The following MROH1 variants were observed in gnomAD, a reference collection of about 807,000 sequenced individuals.
MROH1 encodes maestro heat like repeat family member 1.
Under a neutral mutation model 116.5 loss-of-function variants are expected in MROH1, and 117 were observed. The observed-to-expected ratio is 1.00, with a 90% CI of 0.86 to 1.17. The LOEUF (loss-of-function observed/expected upper bound fraction) is 1.17. Among genes scored for constraint, MROH1 ranks in the 50% most tolerant of loss-of-function variants. The pLI is 0.00. For synonymous variants in MROH1, 921 were observed against 583.9 expected, an observed-to-expected ratio of 1.58 and a Z score of -8.32; for missense variants, 1,873 against 1,338.5, an observed-to-expected ratio of 1.40 and a Z score of -6.23.
At chr8:144,172,664 C>T (rs376296574) in intron 4 of MROH1, among the ~76,000 whole-genome samples, 103 of 152,258 alleles carry the variant, frequency 6.8e-4, no homozygotes, top group African/African-American at 2.3e-3. Context: ...CCACCTTGGC[C>T]TCCCAAGGTG....
rs1820152298 is a variant in MROH1 at position 144,163,938 on chromosome 8, TG to T, written c.22+92del. 7.0e-7 allele frequency: 1 copy of T among 1,435,706 alleles called. No homozygotes were observed. The highest frequency in any genetic ancestry group is 1.2e-5 in the South Asian group (1 of 84,274). The allele number at this position is 1,435,706 out of a possible 1,614,324, so 88.9% of individuals were successfully genotyped here. On this transcript the variant is annotated intron_variant, in intron 3 of 43. Transcript: ENST00000326134. This position sits in a 1 kb window ranked among gnomAD's most constrained non-coding sequence, Gnocchi z 4.4. ...AGGCCAAGGCTCTTACCAGCTCCAA[TG>T]GTGCCTAGAGTTTCCACCCTATACT...
At chr8:144,256,219 G>T (rs878892884) in intron 35 of MROH1, among the ~76,000 whole-genome samples, 1 of 152,254 alleles carries the variant, frequency 6.6e-6, no homozygotes, top group East Asian at 1.9e-4. Context: ...GACAGAGGAG[G>T]CTGACACCCT....
chr8:144,258,424 G>A (rs1844328959), intron 35 of MROH1, among the ~76,000 whole-genome samples: 1 of 152,220 alleles, frequency 6.6e-6, no homozygotes, highest in East Asian at 1.9e-4. Flanking sequence ...ACAGGCCCGG[G>A]GTGGGGGGCA....
At chr8:144,154,640 G>A (rs1169768200) in intron 1 of MROH1, among the ~76,000 whole-genome samples, 1 of 150,762 alleles carries the variant, frequency 6.6e-6, no homozygotes, top group African/African-American at 2.4e-5. Flanking sequence ...ACTTAATTCT[G>A]TGTAGCTGTG....
At chr8:144,168,565 T>C in intron 4 of MROH1, 125 bp downstream of exon 4, 1 of 1,126,004 alleles carries the variant, frequency 8.9e-7, no homozygotes, top group Non-Finnish European at 1.2e-6. Flanking sequence ...TGGCCACATG[T>C]CTAACCCCCT....
chr8:144,182,272 G>C lies in MROH1; in HGVS notation c.562+1749G>C, dbSNP rs760041420. 1.4e-4 allele frequency among the ~76,000 whole-genome samples: 22 copies of C among 152,214 alleles called. No homozygotes were observed. The highest frequency in any genetic ancestry group is 4.8e-4 in the African/African-American group (20 of 41,464). On this transcript the variant is annotated intron_variant, in intron 7 of 43. Transcript: ENST00000326134. This position sits in a 1 kb window ranked among gnomAD's most constrained non-coding sequence, Gnocchi z 4.1. ...CCTCAGGGCACTGCAGCCAGGAGGC[G>C]AGGAGCCTCAGGGAAGACTCCCAGT...
At chr8:144,258,050 C>T (rs1019567513) in intron 35 of MROH1, among the ~76,000 whole-genome samples, 7 of 152,314 alleles carry the variant, frequency 4.6e-5, no homozygotes, top group South Asian at 2.1e-4. Context: ...GCAGCCTCAG[C>T]AGGGAAGGGC....
chr8:144,239,115 G>T lies in MROH1; in HGVS notation c.1527G>T (p.Val509=), dbSNP rs1490727617. The part of the protein sequence containing the change: ...GALTPLCRSL[V]HLAQKRQEAG... Reference sequence around the variant, plus strand: ...TGACTCCGCTCTGCAGGAGCCTCGTGCATCTGGCGCAGAAGAGGCAGGAGG... The same window carrying T: ...TGACTCCGCTCTGCAGGAGCCTCGTTCATCTGGCGCAGAAGAGGCAGGAGG... Residue 509 remains valine (V), a synonymous_variant, in exon 16 of 44, where the codon GTG becomes GTT. Coordinates refer to ENST00000326134, the MANE Select transcript of MROH1 (RefSeq NM_032450.3). The T allele has an allele frequency of 2.2e-5, 17 of 774,302 alleles. No homozygotes were observed. Among genetic ancestry groups the T allele is most frequent in the Non-Finnish European group, 3.4e-5 (14 of 417,698 alleles). 48.0% of individuals were successfully genotyped at this position (774,302 alleles called of 1,614,324 possible). A position where few individuals can be genotyped will look rare whatever the true frequency, so the allele number is the denominator to read the frequency against.
intron 34 of MROH1, among the ~76,000 whole-genome samples, 197 bp from the exon 35 acceptor site, chr8:144,255,310 CCT>C (rs1350394510): frequency 9.5e-4 from 144 of 152,332 alleles, no homozygotes; most frequent in African/African-American, 3.3e-3. Flanking sequence ...GCTGACTGCC[CCT>C]CTGTCCCTGT....
Position 144,260,244 on chromosome 8 carries a change from A to G in MROH1, c.4250A>G (p.Asp1417Gly). 1 of 766,146 alleles carries G rather than the reference A, an allele frequency of 1.3e-6. No individual in the cohort carries two copies. The highest frequency in any genetic ancestry group is 2.4e-5 in the East Asian group (1 of 41,228). 47.5% of individuals were successfully genotyped at this position (766,146 alleles called of 1,614,324 possible). A position where few individuals can be genotyped will look rare whatever the true frequency, so the allele number is the denominator to read the frequency against. ...TAMIGGLDDG[D>G]NPHSPVALEA... ...ATGATTGGCGGGCTGGACGACGGGG[A>G]CAACCCTCACAGCCCAGTGGCCCTG... Residue 1417 changes from aspartate to glycine, a missense_variant, in exon 39 of 44, where the codon GAC (aspartate) becomes GGC (glycine). Coordinates refer to ENST00000326134, the MANE Select transcript of MROH1 (RefSeq NM_032450.3).
rs1230937240 is a variant in MROH1, at chr8:144,260,369, G to A, written c.4375G>A (p.Asp1459Asn). The A allele has an allele frequency of 4.2e-6, 3 of 718,190 alleles. No individual in the cohort carries two copies. The highest frequency in any genetic ancestry group is 1.9e-5 in the Admixed American group (1 of 51,368). The allele number at this position is 718,190 out of a possible 1,614,324, so 44.5% of individuals were successfully genotyped here. Reference sequence around the variant, plus strand: ...GGCCATCCGCATCCGGCCTTTCTTCGACAGTGTAGGCTGGTTGGGGCAGGG... The same window carrying A: ...GGCCATCCGCATCCGGCCTTTCTTCAACAGTGTAGGCTGGTTGGGGCAGGG... ...HVAIRIRPFF[D>N]SEKMEFRTAS... The change falls in exon 39 of 44, where the codon GAC becomes AAC. Residue 1459 changes from aspartate (D) to asparagine (N), a missense_variant. Physicochemically the swap from Asp to Asn is conservative, Grantham distance 23. Coordinates refer to ENST00000326134, the MANE Select transcript of MROH1 (RefSeq NM_032450.3).
At chr8:144,186,186 T>A (rs1827131105) in intron 7 of MROH1, among the ~76,000 whole-genome samples, 1 of 150,284 alleles carries the variant, frequency 6.7e-6, no homozygotes, top group African/African-American at 2.5e-5. Context: ...AGTGGTGTGA[T>A]CTTGGCTCAC....
In MROH1 at chr8:144,180,599, G is replaced by A. The variant is rs771574511; in HGVS notation, c.562+76G>A. 18 of 1,430,008 alleles carry A rather than the reference G, an allele frequency of 1.3e-5. No individual in the cohort carries two copies. In the Admixed American group the frequency reaches 2.1e-4, roughly 16 times the overall value. 88.6% of individuals were successfully genotyped at this position (1,430,008 alleles called of 1,614,324 possible). On this transcript the variant is annotated intron_variant, in intron 7 of 43. Coordinates refer to ENST00000326134, the MANE Select transcript of MROH1 (RefSeq NM_032450.3). This position sits in a 1 kb window ranked among gnomAD's most constrained non-coding sequence, Gnocchi z 7.4. Reference sequence around the variant, plus strand: ...CTGTTCCCGGGCATGCCTGTTTTAGGGGGGACAGGTGGGCACTTTAGGCTG... The same window carrying A: ...CTGTTCCCGGGCATGCCTGTTTTAGAGGGGACAGGTGGGCACTTTAGGCTG...
At position 144,248,307 on chromosome 8, in the gene MROH1, GA is replaced by G. The variant is rs1166970261; in HGVS notation, c.3121-563del. On this transcript the variant is annotated intron_variant, in intron 31 of 43. Coordinates refer to ENST00000326134, the MANE Select transcript of MROH1 (RefSeq NM_032450.3). ...TATTAAAGTATTGCATTACGGGGGG[GA>G]AAAAAAGAGTCCTTCCAAGGGGATG... Among the ~76,000 whole-genome samples, 711 of 152,178 alleles carry G rather than the reference GA, an allele frequency of 4.7e-3. 2 individuals are homozygous for G. The highest frequency in any genetic ancestry group is 0.016 in the African/African-American group (676 of 41,506).
intron 10 of MROH1, among the ~76,000 whole-genome samples, chr8:144,193,817 C>T (rs1829207726): frequency 6.6e-6 from 1 of 152,056 alleles, no homozygotes; most frequent in South Asian, 2.1e-4. Flanking sequence ...CCATGTTGGC[C>T]AGGCTGATCT....
At chr8:144,160,071 C>T (rs947857548) in intron 1 of MROH1, among the ~76,000 whole-genome samples, 1 of 152,270 alleles carries the variant, frequency 6.6e-6, no homozygotes, top group East Asian at 1.9e-4. Flanking sequence ...GCCCGGCCCA[C>T]GCCTGGTAAT....
chr8:144,258,076 G>A (rs1844245189), intron 35 of MROH1, among the ~76,000 whole-genome samples: 1 of 152,192 alleles, frequency 6.6e-6, no homozygotes, highest in African/African-American at 2.4e-5. Context: ...TGAGCCGATG[G>A]TCGATGCCAG....
intron 12 of MROH1, among the ~76,000 whole-genome samples, chr8:144,211,050 T>C (rs1381230104): frequency 6.6e-6 from 1 of 152,214 alleles, no homozygotes; most frequent in Non-Finnish European, 1.5e-5. Context: ...TCTCTTATAA[T>C]TTATCTGTAG....
At chr8:144,222,968 G>A (rs1165049102) in intron 13 of MROH1, 140 bp from the exon 14 acceptor site, 2 of 1,208,982 alleles carry the variant, frequency 1.7e-6, no homozygotes, top group Non-Finnish European at 2.3e-6. Flanking sequence ...ATGGGTGCAG[G>A]TACAGGTGTC....
Sources: gnomAD v4.1 joint callset for allele counts (sites outside exome capture counted in the v4.1 genomes callset) on GRCh38, gnomAD v4.1.1 for gene constraint, Gnocchi (gnomAD v3.1) non-coding constraint, MANE v1.5 for transcripts, NCBI Gene and HGNC (gene_info 2026-07-23, HGNC 2026-07-21) for gene names.